The following CDC42EP2 variants were observed in gnomAD, a reference collection of about 807,000 sequenced individuals.
CDC42EP2 encodes the protein CDC42 effector protein 2.
In CDC42EP2, 5 loss-of-function variants were observed where a neutral mutation model predicts 7.3. The ratio of observed to expected loss-of-function variants is 0.68; its 90% CI spans 0.36 to 1.44. The LOEUF (loss-of-function observed/expected upper bound fraction) is 1.44. CDC42EP2 is among the 40% of genes most tolerant of loss of function. The probability of loss-of-function intolerance (pLI) is 0.04; values close to 1 mark genes in which losing one functional copy is unlikely to be tolerated. For synonymous variants in CDC42EP2, 113 were observed against 123.6 expected (o/e 0.91, Z 0.57); for missense variants, 251 against 282.6 (o/e 0.89, Z 0.80).
At position 65,321,168 on chromosome 11, in the gene CDC42EP2, C is replaced by T. The variant is rs372378739; in HGVS notation, c.270C>T (p.Thr90=). Reference sequence around the variant, plus strand: ...CCTTCCAGTTCACCCGCACCGCCACCGTGTGTGGGCGGGAGCTCCCGGACG... The same window carrying T: ...CCTTCCAGTTCACCCGCACCGCCACTGTGTGTGGGCGGGAGCTCCCGGACG... ...DLPFQFTRTA[T]VCGRELPDGP... The change falls in exon 2 of 2, where the codon ACC becomes ACT. Residue 90 remains threonine, a synonymous_variant. Transcript: ENST00000279249. This position sits in a 1 kb window ranked among gnomAD's most constrained non-coding sequence, Gnocchi z 4.4. The T allele has an allele frequency of 1.0e-4, 163 of 1,613,968 alleles. No individual in the cohort carries two copies. Among genetic ancestry groups the T allele is most frequent in the Non-Finnish European group, 1.2e-4 (145 of 1,179,984 alleles).
At chr11:65,317,552 C>T (rs1949953731) in intron 1 of CDC42EP2, among the ~76,000 whole-genome samples, 1 of 152,112 alleles carries the variant, frequency 6.6e-6, no homozygotes, top group Non-Finnish European at 1.5e-5. Context: ...TGCCCTTACT[C>T]ACTGGGTGAC....
chr11:65,318,997 G>A (rs1353545282), intron 1 of CDC42EP2, among the ~76,000 whole-genome samples: 2 of 144,632 alleles, frequency 1.4e-5, no homozygotes, highest in Non-Finnish European at 3.0e-5. Context: ...GGTAGTCAAT[G>A]CTTTCAATAA....
At chr11:65,319,614 C>A (rs1218623993) in intron 1 of CDC42EP2, among the ~76,000 whole-genome samples, 1 of 152,142 alleles carries the variant, frequency 6.6e-6, no homozygotes, top group Non-Finnish European at 1.5e-5. Context: ...CAGAAAGTAT[C>A]CTAGACTCAG....
At position 65,320,809 on chromosome 11, in the gene CDC42EP2, G is replaced by A. The variant is rs1015774232; in HGVS notation, c.-90G>A. The A allele has an allele frequency of 1.9e-5, 26 of 1,398,720 alleles. No homozygotes were observed. In the East Asian group the frequency reaches 5.5e-4, roughly 30 times the overall value. The allele number at this position is 1,398,720 out of a possible 1,614,324, so 86.6% of individuals were successfully genotyped here. A position where few individuals can be genotyped will look rare whatever the true frequency, so the allele number is the denominator to read the frequency against. ...GCACCTGCAAACCACCCCGTGGAACGAGTGTTTCCTCTGGCTGAGGGTTGG... is the reference window on the plus strand; with the variant it reads ...GCACCTGCAAACCACCCCGTGGAACAAGTGTTTCCTCTGGCTGAGGGTTGG... On this transcript the variant is annotated 5_prime_UTR_variant, in exon 2 of 2. Coordinates refer to ENST00000279249, the MANE Select transcript of CDC42EP2 (RefSeq NM_006779.4).
At position 65,321,048 on chromosome 11, in the gene CDC42EP2, C is replaced by T; in HGVS notation, c.150C>T (p.Asp50=). 1.2e-6 allele frequency: 2 copies of T among 1,614,064 alleles called. No individual in the cohort carries two copies. Among genetic ancestry groups the T allele is most frequent in the Non-Finnish European group, 1.7e-6 (2 of 1,180,018 alleles). The change falls in exon 2 of 2, where the codon GAC becomes GAT. Residue 50 remains aspartate, a synonymous_variant. Transcript: ENST00000279249. This position sits in a 1 kb window ranked among gnomAD's most constrained non-coding sequence, Gnocchi z 4.4. ...ATATTGGCAGTGGCGGCGGCAGTGA[C>T]ATGTTTGGCGACATCTCCTTCCTGC... ...TIHIGSGGGS[D]MFGDISFLQG...
rs1231594801 is a variant in CDC42EP2, at chr11:65,315,939, A to G, written c.-356+985A>G. Among the ~76,000 whole-genome samples, 1 of 152,198 alleles carries G rather than the reference A, an allele frequency of 6.6e-6. No homozygotes were observed. Among genetic ancestry groups the G allele is most frequent in the Non-Finnish European group, 1.5e-5 (1 of 68,028 alleles). On this transcript the variant is annotated intron_variant, in intron 1 of 1. Coordinates refer to ENST00000279249, the MANE Select transcript of CDC42EP2 (RefSeq NM_006779.4). The surrounding 1 kb of genome is among the most constrained non-coding windows in gnomAD (Gnocchi z 4.1). ...GAGAATCGAAGTGCTTGAGGAAGGA[A>G]GGCCTTGTAGATATTTGCTGAATGA...
intron 1 of CDC42EP2, among the ~76,000 whole-genome samples, chr11:65,316,159 G>T (rs1949946949): frequency 6.6e-6 from 1 of 152,158 alleles, no homozygotes; most frequent in Non-Finnish European, 1.5e-5. Flanking sequence ...GGTGGAGCTG[G>T]ATTTAAGGAC....
rs187146491 is a variant in CDC42EP2 at position 65,320,560 on chromosome 11, C to T, written c.-339C>T. 3.9e-5 allele frequency: 11 copies of T among 283,828 alleles called. No individual in the cohort carries two copies. The highest frequency in any genetic ancestry group is 1.9e-4 in the Admixed American group (4 of 21,436). The allele number at this position is 283,828 out of a possible 1,614,324, so 17.6% of individuals were successfully genotyped here. ...GTGTTTCAGCTCCTCAGCCCTGGAC[C>T]GGGGACAAGTAACCCTCGGTGACAA... On this transcript the variant is annotated 5_prime_UTR_variant, in exon 2 of 2. Transcript: ENST00000279249.
chr11:65,321,415 T>C lies in CDC42EP2; in HGVS notation c.517T>C (p.Phe173Leu). Reference protein sequence around the residue: ...LTPESGAEEPFLSNASSLLSL... With the variant: ...LTPESGAEEPLLSNASSLLSL... Reference sequence around the variant, plus strand: ...CCCGGAGTCAGGGGCCGAGGAGCCCTTCCTGTCCAATGCCAGCTCCCTGCT... The same window carrying C: ...CCCGGAGTCAGGGGCCGAGGAGCCCCTCCTGTCCAATGCCAGCTCCCTGCT... The change falls in exon 2 of 2, where the codon TTC becomes CTC. Residue 173 changes from phenylalanine to leucine, a missense_variant. Coordinates refer to ENST00000279249, the MANE Select transcript of CDC42EP2 (RefSeq NM_006779.4). This position sits in a 1 kb window ranked among gnomAD's most constrained non-coding sequence, Gnocchi z 4.4. 6.2e-7 allele frequency: 1 copy of C among 1,613,616 alleles called. No homozygotes were observed. Among genetic ancestry groups the C allele is most frequent in the Non-Finnish European group, 8.5e-7 (1 of 1,179,964 alleles).
chr11:65,317,851 C>A (rs1416311102), intron 1 of CDC42EP2, among the ~76,000 whole-genome samples: 1 of 152,080 alleles, frequency 6.6e-6, no homozygotes, highest in Non-Finnish European at 1.5e-5. Flanking sequence ...GAAACATCAA[C>A]CTGAAATTCT....
At chr11:65,318,375 C>T (rs894187971) in intron 1 of CDC42EP2, among the ~76,000 whole-genome samples, 4 of 151,718 alleles carry the variant, frequency 2.6e-5, no homozygotes, top group African/African-American at 9.7e-5. Context: ...CTGCCTCAGC[C>T]TCCCGAGTAG....
intron 1 of CDC42EP2, among the ~76,000 whole-genome samples, chr11:65,318,670 GC>G (rs1565510338): frequency 6.6e-6 from 1 of 151,348 alleles, no homozygotes; most frequent in East Asian, 1.9e-4. Context: ...TGATCCGCCC[GC>G]CTCGGCCTCC....
chr11:65,322,325 T>A lies in CDC42EP2; in HGVS notation c.*794T>A, dbSNP rs1045194821. On this transcript the variant is annotated 3_prime_UTR_variant, in exon 2 of 2. Transcript: ENST00000279249. The stretch of plus-strand genomic sequence containing the variant: ...GGCAAGAGGTGGCTGAGCACTGGGG[T>A]GGGCTTGGCACTGTGCCAAGCCTGG... 6.0e-6 allele frequency: 1 copy of A among 166,928 alleles called. No homozygotes were observed. Among genetic ancestry groups the A allele is most frequent in the Non-Finnish European group, 1.5e-5 (1 of 68,136 alleles). 10.3% of individuals were successfully genotyped at this position (166,928 alleles called of 1,614,324 possible).
chr11:65,321,445 C>G lies in CDC42EP2; in HGVS notation c.547C>G (p.Leu183Val), dbSNP rs1199188776. ...GTCCAATGCCAGCTCCCTGCTGTCC[C>G]TGCACGTGGACCTGGGGCCTTCCAT... ...FLSNASSLLS[L>V]HVDLGPSILD... The change falls in exon 2 of 2, where the codon CTG (leucine) becomes GTG (valine). Residue 183 changes from leucine (L) to valine (V), a missense_variant. Physicochemically the swap from Leu to Val is conservative, Grantham distance 32. Coordinates refer to ENST00000279249, the MANE Select transcript of CDC42EP2 (RefSeq NM_006779.4). The surrounding 1 kb of genome is among the most constrained non-coding windows in gnomAD (Gnocchi z 4.4). 1 of 1,613,832 alleles carries G rather than the reference C, an allele frequency of 6.2e-7. No individual in the cohort carries two copies. Among genetic ancestry groups the G allele is most frequent in the Non-Finnish European group, 8.5e-7 (1 of 1,180,010 alleles).
chr11:65,321,193 G>A lies in CDC42EP2; in HGVS notation c.295G>A (p.Gly99Ser), dbSNP rs1357093593. The A allele has an allele frequency of 9.3e-6, 15 of 1,613,980 alleles. No individual in the cohort carries two copies. The highest frequency in any genetic ancestry group is 2.2e-5 in the East Asian group (1 of 44,874). The change falls in exon 2 of 2, where the codon GGC becomes AGC. Residue 99 changes from glycine (G) to serine (S), a missense_variant. Physicochemically the swap from Gly to Ser is moderately conservative, Grantham distance 56. Transcript: ENST00000279249. The surrounding 1 kb of genome is among the most constrained non-coding windows in gnomAD (Gnocchi z 4.4). ...ATVCGRELPD[G>S]PSPLLKNAIS... Reference sequence around the variant, plus strand: ...CGTGTGTGGGCGGGAGCTCCCGGACGGCCCATCCCCTCTGCTCAAGAACGC... The same window carrying A: ...CGTGTGTGGGCGGGAGCTCCCGGACAGCCCATCCCCTCTGCTCAAGAACGC...
chr11:65,315,550 C>T lies in CDC42EP2; in HGVS notation c.-356+596C>T, dbSNP rs888180484. Among the ~76,000 whole-genome samples, 8 of 152,274 alleles carry T rather than the reference C, an allele frequency of 5.3e-5. No homozygotes were observed. The highest frequency in any genetic ancestry group is 7.2e-5 in the African/African-American group (3 of 41,476). On this transcript the variant is annotated intron_variant, in intron 1 of 1. Coordinates refer to ENST00000279249, the MANE Select transcript of CDC42EP2 (RefSeq NM_006779.4). The surrounding 1 kb of genome is among the most constrained non-coding windows in gnomAD (Gnocchi z 4.1). ...GAGCTTGGAGACTAGGGCAGGGTCCCCAATCGCCCCCTTTTTCCCCGATTG... is the reference window on the plus strand; with the variant it reads ...GAGCTTGGAGACTAGGGCAGGGTCCTCAATCGCCCCCTTTTTCCCCGATTG...
intron 1 of CDC42EP2, among the ~76,000 whole-genome samples, chr11:65,318,560 A>G (rs931649071): frequency 6.6e-6 from 1 of 151,766 alleles, no homozygotes; most frequent in African/African-American, 2.4e-5. Flanking sequence ...AGTAGCTGGG[A>G]CTACAGGCGC....
Sources: gnomAD v4.1 joint callset for allele counts (sites outside exome capture counted in the v4.1 genomes callset) on GRCh38, gnomAD v4.1.1 for gene constraint, Gnocchi (gnomAD v3.1) non-coding constraint, MANE v1.5 for transcripts, NCBI Gene and HGNC (gene_info 2026-07-23, HGNC 2026-07-21) for gene names.